The following ZNF43 variants were observed in gnomAD, a reference collection of about 807,000 sequenced individuals.
ZNF43 encodes zinc finger protein 43.
A neutral mutation model predicts 68.4 loss-of-function variants in ZNF43; 44 were observed. The ratio of observed to expected loss-of-function variants is 0.64; its 90% CI spans 0.51 to 0.83. The LOEUF (loss-of-function observed/expected upper bound fraction) is 0.83. ZNF43 is among the 40% of genes least tolerant of loss of function. The probability of loss-of-function intolerance (pLI) is 0.00; values close to 1 mark genes in which losing one functional copy is unlikely to be tolerated. For missense variants in ZNF43, 896 were observed against 933.2 expected, an observed-to-expected ratio of 0.96 and a Z score of 0.52; for synonymous variants, 308 against 307.8, an observed-to-expected ratio of 1.00 and a Z score of -0.01.
At position 21,849,730 on chromosome 19, in the gene ZNF43, G is replaced by C. The variant is rs193191294; in HGVS notation, c.30+2175C>G. Among the ~76,000 whole-genome samples the C allele has an allele frequency of 2.7e-5, 4 of 150,270 alleles. No individual in the cohort carries two copies. In the East Asian group the frequency reaches 7.8e-4, roughly 29 times the overall value. On this transcript the variant is annotated intron_variant, in intron 1 of 3. Coordinates refer to the ZNF43 transcript ENST00000357491. ...ACACTCCAGCCTGGGCAACATAAAC[G>C]AAACTCCATCTCAAAAAAAAAAAAG...
intron 2 of ZNF43, 36 bp downstream of exon 2, chr19:21,819,059 G>A (rs1349693638): frequency 1.3e-6 from 2 of 1,582,590 alleles, no homozygotes; most frequent in East Asian, 2.3e-5. Flanking sequence ...AAATCTTTAG[G>A]GTATATTAGG....
intron 1 of ZNF43, among the ~76,000 whole-genome samples, chr19:21,828,512 C>T (rs996282114): frequency 5.3e-5 from 8 of 151,444 alleles, no homozygotes; most frequent in Admixed American, 2.6e-4. Context: ...GTCAGGAGTT[C>T]GAGACCAGCC....
upstream of ZNF43, among the ~76,000 whole-genome samples, chr19:21,836,966 G>A (rs923998128): frequency 1.3e-5 from 2 of 152,068 alleles, no homozygotes; most frequent in Admixed American, 6.6e-5. Flanking sequence ...TTATGCACAT[G>A]TTTTAAAAGC....
chr19:21,811,756 AG>A (rs1282092830), intron 3 of ZNF43, among the ~76,000 whole-genome samples: 3 of 152,166 alleles, frequency 2.0e-5, no homozygotes, highest in African/African-American at 7.2e-5. Context: ...AGGAAGCAAT[AG>A]AAAAAAATCT....
At chr19:21,831,187 G>C (rs1468267755) in intron 1 of ZNF43, among the ~76,000 whole-genome samples, 4 of 152,162 alleles carry the variant, frequency 2.6e-5, no homozygotes, top group African/African-American at 9.6e-5. Context: ...TTGAAAACTG[G>C]CACAAGACAA....
rs1160374281 is a variant in ZNF43, at chr19:21,805,838, A to G, written c.*1769T>C. 6.6e-6 allele frequency: 1 copy of G among 151,856 alleles called. No homozygotes were observed. The highest frequency in any genetic ancestry group is 2.4e-5 in the African/African-American group (1 of 41,370). 9.4% of individuals were successfully genotyped at this position (151,856 alleles called of 1,614,324 possible). A position where few individuals can be genotyped will look rare whatever the true frequency, so the allele number is the denominator to read the frequency against. ...ATGTTAGTCCATTATGTTACCAAAT[A>G]GTATATTGTTACCATCTTTTACATA... On this transcript the variant is annotated 3_prime_UTR_variant, in exon 4 of 4. Transcript: ENST00000354959.
intron 1 of ZNF43, among the ~76,000 whole-genome samples, chr19:21,848,422 A>G (rs1968111851): frequency 6.6e-6 from 1 of 152,104 alleles, no homozygotes; most frequent in South Asian, 2.1e-4. Context: ...CTGGGATTAC[A>G]GGCATGAGCC....
Position 21,809,193 on chromosome 19 carries a change from CAGTGCGAATTATCTTATGGGT to C in ZNF43, c.823_843del (p.Thr275_Thr281del). 6.2e-7 allele frequency: 1 copy of C among 1,613,188 alleles called. No individual in the cohort carries two copies. The highest frequency in any genetic ancestry group is 8.5e-7 in the Non-Finnish European group (1 of 1,179,714). ...TCTTTACATTTGTAGAATTTCTCTCCAGTGCGAATTATCTTATGGGTAGTAAGGATTGAGGACTTGTTAAAA... is the reference window on the plus strand; with the variant it reads ...TCTTTACATTTGTAGAATTTCTCTCCAGTAAGGATTGAGGACTTGTTAAAA... On this transcript the variant is annotated inframe_deletion, in exon 4 of 4. Transcript: ENST00000354959.
chr19:21,849,512 A>AAT (rs1968193939), intron 1 of ZNF43, among the ~76,000 whole-genome samples: 1 of 148,666 alleles, frequency 6.7e-6, no homozygotes, highest in African/African-American at 2.5e-5. Flanking sequence ...AAAAAAAAAA[A>AAT]AAAGTGGTAA....
intron 1 of ZNF43, chr19:21,845,453 G>A (rs1967884980): frequency 6.6e-6 from 1 of 151,942 alleles, no homozygotes; most frequent in Admixed American, 6.6e-5. Flanking sequence ...TGGGTCCAGT[G>A]ATACATCACA....
chr19:21,852,034 G>A (rs1037298906), exon 1 of ZNF43: 4 of 1,373,756 alleles, frequency 2.9e-6, no homozygotes, highest in Admixed American at 2.1e-5. Context: ...AAAAGCAGAG[G>A]CGGGTCCCAA....
At chr19:21,832,090 A>G (rs1484769331) in intron 1 of ZNF43, among the ~76,000 whole-genome samples, 1 of 152,196 alleles carries the variant, frequency 6.6e-6, no homozygotes, top group African/African-American at 2.4e-5. Flanking sequence ...TTCCTAAACA[A>G]AAAGAACAAA....
rs1568355560 is a variant in ZNF43 at position 21,815,509 on chromosome 19, T to TATA, written c.229+2378_229+2379insTAT. On this transcript the variant is annotated intron_variant, in intron 3 of 3. Transcript: ENST00000354959. ...TACATATATATATATATATATATAT[T>TATA]TTGCAGAATACGGTTACAGCCTCTG... 7.6e-3 allele frequency among the ~76,000 whole-genome samples: 979 copies of TATA among 129,568 alleles called. 8 individuals carry two copies. The highest frequency in any genetic ancestry group is 0.029 in the African/African-American group (897 of 31,440). The allele number at this position is 129,568 out of a possible 152,430, so 85.0% of individuals were successfully genotyped here.
chr19:21,846,042 T>A (rs912534163), intron 1 of ZNF43, among the ~76,000 whole-genome samples: 8 of 152,050 alleles, frequency 5.3e-5, no homozygotes, highest in Non-Finnish European at 1.0e-4. Flanking sequence ...TCCAGCAACA[T>A]GTCACAATAC....
At chr19:21,831,463 G>C (rs1315439355) in intron 1 of ZNF43, among the ~76,000 whole-genome samples, 7 of 152,076 alleles carry the variant, frequency 4.6e-5, no homozygotes, top group Admixed American at 4.6e-4. Context: ...CTGGTTTCAA[G>C]CAATTCTCCA....
At chr19:21,816,673 G>A (rs867448053) in intron 3 of ZNF43, among the ~76,000 whole-genome samples, 46 of 152,240 alleles carry the variant, frequency 3.0e-4, no homozygotes, top group African/African-American at 1.0e-3. Flanking sequence ...AGCTCCCTGA[G>A]CCATGGTTTA....
chr19:21,822,337 T>C (rs1241317922), intron 1 of ZNF43, among the ~76,000 whole-genome samples: 1 of 96,734 alleles, frequency 1.0e-5, no homozygotes. Context: ...CTTTTATACT[T>C]GATTCTAGCC....
chr19:21,817,135 G>C (rs560300242), intron 3 of ZNF43, among the ~76,000 whole-genome samples: 1 of 151,988 alleles, frequency 6.6e-6, no homozygotes, highest in East Asian at 1.9e-4. Context: ...CCATCTACTC[G>C]GGAGGCTGAG....
At chr19:21,832,609 C>T (rs144794671) in intron 1 of ZNF43, among the ~76,000 whole-genome samples, 58 of 90,758 alleles carry the variant, frequency 6.4e-4, no homozygotes, top group Non-Finnish European at 1.2e-3. Context: ...ACCAGCCAGG[C>T]GCAGTGGCTC....
Sources: allele counts gnomAD v4.1 joint callset (sites outside exome capture counted in the v4.1 genomes callset), GRCh38; gene constraint gnomAD v4.1.1; transcripts MANE v1.5; gene names NCBI Gene and HGNC (gene_info 2026-07-23, HGNC 2026-07-21).